RNF217: variants seen among roughly 807,000 people sequenced by gnomAD.
RNF217 encodes the protein E3 ubiquitin-protein ligase RNF217.
A neutral mutation model predicts 57.8 loss-of-function variants in RNF217; 31 were observed. The ratio of observed to expected loss-of-function variants is 0.54; its 90% confidence interval spans 0.40 to 0.72. The LOEUF (loss-of-function observed/expected upper bound fraction) is 0.72, where lower values mean the gene tolerates loss of function less well. Ranked by LOEUF, RNF217 falls within the 30% of genes least tolerant of loss-of-function variation. RNF217 has a pLI of 0.00. For synonymous variants in RNF217, 313 were observed against 294.0 expected (o/e 1.06, Z -0.66); for missense variants, 696 against 708.3 (o/e 0.98, Z 0.20).
intron 1 of RNF217, among the ~76,000 whole-genome samples, chr6:124,989,167 A>AT (rs1186517529): frequency 1.3e-5 from 2 of 151,502 alleles, no homozygotes; most frequent in African/African-American, 2.4e-5. Flanking sequence ...TTAATTTACT[A>AT]TTTTTTAAAC....
intron 1 of RNF217, chr6:124,971,251 T>C (rs1783747039): frequency 6.5e-6 from 1 of 152,692 alleles, no homozygotes; most frequent in South Asian, 2.0e-4. Flanking sequence ...TTTAAGTTGA[T>C]ACATATATTG....
At chr6:125,057,397 G>T (rs917644426) in intron 2 of RNF217, among the ~76,000 whole-genome samples, 1 of 152,056 alleles carries the variant, frequency 6.6e-6, no homozygotes, top group South Asian at 2.1e-4. Context: ...GGCCAGGCTG[G>T]GCTTTAACTC....
At chr6:125,068,252 G>A (rs552228054) in intron 3 of RNF217, among the ~76,000 whole-genome samples, 14 of 152,204 alleles carry the variant, frequency 9.2e-5, no homozygotes, top group African/African-American at 3.4e-4. Flanking sequence ...AGTGAGGAAT[G>A]CTGCAACAGG....
rs1788923793 is a variant in RNF217, at chr6:125,090,936, GGTAGA to G, written c.*8003_*8007del. On this transcript the variant is annotated 3_prime_UTR_variant, in exon 6 of 6. Coordinates refer to ENST00000521654, the MANE Select transcript of RNF217 (RefSeq NM_001286398.3). ...CTGATTATATTTTATGAAAGAGAGGGGTAGAGTAAATTTTTTAATTAGACAATGTT... is the reference window on the plus strand; with the variant it reads ...CTGATTATATTTTATGAAAGAGAGGGGTAAATTTTTTAATTAGACAATGTT... The G allele has an allele frequency of 6.6e-6, 1 of 151,852 alleles. No homozygotes were observed. The highest frequency in any genetic ancestry group is 2.4e-5 in the African/African-American group (1 of 41,406). 9.4% of individuals were successfully genotyped at this position (151,852 alleles called of 1,614,324 possible). A position where few individuals can be genotyped will look rare whatever the true frequency, so the allele number is the denominator to read the frequency against.
chr6:125,056,602 T>C (rs1215520071), intron 2 of RNF217, among the ~76,000 whole-genome samples: 2 of 152,184 alleles, frequency 1.3e-5, no homozygotes, highest in African/African-American at 2.4e-5. Flanking sequence ...AGCTAATTAG[T>C]CTATATAGTA....
At chr6:125,007,354 T>G (rs982133825) in intron 1 of RNF217, among the ~76,000 whole-genome samples, 3 of 151,886 alleles carry the variant, frequency 2.0e-5, no homozygotes, top group African/African-American at 7.3e-5. Context: ...CAAGCGACTC[T>G]CCTGCCTCAG....
chr6:125,080,208 A>C (rs755948052), intron 4 of RNF217, among the ~76,000 whole-genome samples: 6 of 152,124 alleles, frequency 3.9e-5, no homozygotes, highest in Non-Finnish European at 7.4e-5. Context: ...GAGTGTACTA[A>C]ACGTAATTAT....
chr6:125,046,126 G>A (rs750748106), intron 2 of RNF217, among the ~76,000 whole-genome samples: 5 of 152,082 alleles, frequency 3.3e-5, no homozygotes, highest in Non-Finnish European at 4.4e-5. Context: ...TAAACCTGGT[G>A]AGCATTTCAG....
chr6:124,993,062 C>A (rs1484390886), intron 1 of RNF217, among the ~76,000 whole-genome samples: 1 of 152,078 alleles, frequency 6.6e-6, no homozygotes, highest in African/African-American at 2.4e-5. Context: ...AGAGCATAAT[C>A]AAATAAAACA....
intron 1 of RNF217, among the ~76,000 whole-genome samples, chr6:125,009,720 A>G (rs1332390701): frequency 1.3e-5 from 2 of 151,908 alleles, no homozygotes; most frequent in East Asian, 3.9e-4. Flanking sequence ...TTGCTCTCCT[A>G]ACTAGTATCA....
At chr6:124,978,071 A>G (rs547754576) in intron 1 of RNF217, among the ~76,000 whole-genome samples, 1 of 152,320 alleles carries the variant, frequency 6.6e-6, no homozygotes, top group South Asian at 2.1e-4. Context: ...GCACCATGCT[A>G]ATCATTATGA....
At chr6:124,997,480 C>A (rs1784797733) in intron 1 of RNF217, among the ~76,000 whole-genome samples, 1 of 152,096 alleles carries the variant, frequency 6.6e-6, no homozygotes, top group South Asian at 2.1e-4. Context: ...ATATTCCCAT[C>A]TCAAATACTT....
chr6:125,025,909 G>A (rs562871857), intron 1 of RNF217, among the ~76,000 whole-genome samples: 1 of 152,176 alleles, frequency 6.6e-6, no homozygotes, highest in Non-Finnish European at 1.5e-5. Flanking sequence ...TTTTGACTGT[G>A]TGCATATTGG....
In RNF217 at chr6:125,087,594, T is replaced by C. The variant is rs1223681816; in HGVS notation, c.*4657T>C. On this transcript the variant is annotated 3_prime_UTR_variant, in exon 6 of 6. Transcript: ENST00000521654. ...ACAAAGTTAAAGCAACTGATACATATATTTCAGTGGAGACAGTAGGATAAC... is the reference window on the plus strand; with the variant it reads ...ACAAAGTTAAAGCAACTGATACATACATTTCAGTGGAGACAGTAGGATAAC... The C allele has an allele frequency of 1.3e-5, 2 of 152,174 alleles. No individual in the cohort carries two copies. Among genetic ancestry groups the C allele is most frequent in the Non-Finnish European group, 2.9e-5 (2 of 68,018 alleles). 9.4% of individuals were successfully genotyped at this position (152,174 alleles called of 1,614,324 possible). A position where few individuals can be genotyped will look rare whatever the true frequency, so the allele number is the denominator to read the frequency against.
rs566325219 is a variant in RNF217 at position 125,077,620 on chromosome 6, C to T, written c.1483+762C>T. On this transcript the variant is annotated intron_variant, in intron 4 of 5. Transcript: ENST00000521654. ...CTTTGGGTAATGCAGGGTTCTTCGGCGGAATATTTCTTCTTCTGCTCCTCT... is the reference window on the plus strand; with the variant it reads ...CTTTGGGTAATGCAGGGTTCTTCGGTGGAATATTTCTTCTTCTGCTCCTCT... Among the ~76,000 whole-genome samples the T allele has an allele frequency of 1.9e-4, 29 of 152,274 alleles. No individual in the cohort carries two copies. The East Asian group carries it at 5.4e-3, about 28-fold the overall frequency.
Position 125,080,124 on chromosome 6 carries a change from T to A in RNF217, c.1484-1312T>A, listed in dbSNP as rs1322632. On this transcript the variant is annotated intron_variant, in intron 4 of 5. Coordinates refer to ENST00000521654, the MANE Select transcript of RNF217 (RefSeq NM_001286398.3). ...AAATATGAATGAACAGACTGAGCTA[T>A]GTGCATAGGAGAAAAACACATTCTT... Among the ~76,000 whole-genome samples, 598 of 152,250 alleles carry A rather than the reference T, an allele frequency of 3.9e-3. 3 individuals are homozygous for A. Among genetic ancestry groups the A allele is most frequent in the African/African-American group, 0.014 (570 of 41,578 alleles).
intron 1 of RNF217, among the ~76,000 whole-genome samples, chr6:124,984,236 TG>T (rs969890903): frequency 1.3e-5 from 2 of 152,082 alleles, no homozygotes; most frequent in Non-Finnish European, 2.9e-5. Context: ...GATATAATTG[TG>T]GTTGTGCTAT....
intron 1 of RNF217, 134 bp from the exon 2 acceptor site, chr6:125,045,077 C>G: frequency 1.6e-6 from 1 of 623,486 alleles, no homozygotes; most frequent in Non-Finnish European, 2.8e-6. Context: ...GATTAACATT[C>G]ATTATGTTAT....
intron 1 of RNF217, among the ~76,000 whole-genome samples, chr6:125,038,263 A>G (rs2114503219): frequency 6.6e-6 from 1 of 152,300 alleles, no homozygotes; most frequent in Non-Finnish European, 1.5e-5. Context: ...GCAGCAAAAT[A>G]TCTTTAAGTA....
Sources: gnomAD v4.1 joint callset for allele counts (sites outside exome capture counted in the v4.1 genomes callset) on GRCh38, gnomAD v4.1.1 for gene constraint, MANE v1.5 for transcripts, NCBI Gene and HGNC (gene_info 2026-07-23, HGNC 2026-07-21) for gene names.